The following ENTHD1 variants were observed in gnomAD, a reference collection of about 807,000 sequenced individuals.
ENTHD1 encodes ENTH domain containing 1, also known as ENTH domain-containing protein 1.
In ENTHD1, 23 loss-of-function variants were observed where a neutral mutation model predicts 39.1. The observed-to-expected ratio is 0.59, with a 90% CI of 0.42 to 0.83. The LOEUF (loss-of-function observed/expected upper bound fraction) is 0.83, where lower values mean the gene tolerates loss of function less well. Ranked by LOEUF, ENTHD1 falls within the 40% of genes least tolerant of loss-of-function variation. The pLI is 0.00. For missense variants in ENTHD1, 624 were observed against 705.4 expected, an observed-to-expected ratio of 0.88 and a Z score of 1.31; for synonymous variants, 230 against 258.2, an observed-to-expected ratio of 0.89 and a Z score of 1.05.
At chr22:39,794,541 G>A (rs1283710581) in intron 5 of ENTHD1, among the ~76,000 whole-genome samples, 1 of 152,120 alleles carries the variant, frequency 6.6e-6, no homozygotes, top group Non-Finnish European at 1.5e-5. Context: ...AGTGGCTCAC[G>A]CCTGTAATCC....
At position 39,770,352 on chromosome 22, in the gene ENTHD1, C is replaced by T. The variant is rs374852352; in HGVS notation, c.833-4743G>A. Among the ~76,000 whole-genome samples, 13 of 152,272 alleles carry T rather than the reference C, an allele frequency of 8.5e-5. No homozygotes were observed. The East Asian group carries it at 2.1e-3, about 25-fold the overall frequency. On this transcript the variant is annotated intron_variant, in intron 5 of 6. Transcript: ENST00000325157. The stretch of plus-strand genomic sequence containing the variant: ...GCTCCTGACTGCAACACCCTTGCAA[C>T]GCTTCTCCACTCCATCGGTGGAGAA...
chr22:39,743,879 G>T lies in ENTHD1; in HGVS notation c.1624C>A (p.Pro542Thr). 1 of 1,614,146 alleles carries T rather than the reference G, an allele frequency of 6.2e-7. No homozygotes were observed. Residue 542 changes from proline to threonine, a missense_variant, in exon 7 of 7, where the codon CCT (proline) becomes ACT (threonine). Coordinates refer to ENST00000325157, the MANE Select transcript of ENTHD1 (RefSeq NM_152512.4). Reference protein sequence around the residue: ...FQSTKDFPQEPEAKNSISVLL... With the variant: ...FQSTKDFPQETEAKNSISVLL... ...ACACTAATGGAATTCTTTGCTTCAG[G>T]TTCCTGGGGGAAGTCTTTGGTTGAC...
rs1806709441 is a variant in ENTHD1, at chr22:39,744,300, A to G, written c.1220-17T>C. 2 of 1,556,790 alleles carry G rather than the reference A, an allele frequency of 1.3e-6. No homozygotes were observed. The highest frequency in any genetic ancestry group is 1.2e-5 in the South Asian group (1 of 80,934). ...CAGTTGAAACTAAAATGTGTAAATG[A>G]GAGAAAAAAGATTTATGCAACATAC... On this transcript the variant is annotated splice_polypyrimidine_tract_variant and intron_variant, in intron 6 of 6. Transcript: ENST00000325157.
At chr22:39,783,743 C>A (rs1171154947) in intron 5 of ENTHD1, among the ~76,000 whole-genome samples, 2 of 152,026 alleles carry the variant, frequency 1.3e-5, no homozygotes, top group African/African-American at 2.4e-5. Context: ...TACACAAAAA[C>A]CAAATGAAAA....
At chr22:39,806,253 A>C (rs2065639798) in intron 5 of ENTHD1, among the ~76,000 whole-genome samples, 1 of 152,224 alleles carries the variant, frequency 6.6e-6, no homozygotes, top group Non-Finnish European at 1.5e-5. Flanking sequence ...ACATTATTTA[A>C]AATTCTATGT....
At chr22:39,813,719 G>C (rs918019283) in intron 5 of ENTHD1, among the ~76,000 whole-genome samples, 1 of 152,102 alleles carries the variant, frequency 6.6e-6, no homozygotes, top group Admixed American at 6.5e-5. Flanking sequence ...GCATGGTATG[G>C]TAAGAAAACA....
chr22:39,794,084 T>C (rs565107699), intron 5 of ENTHD1, among the ~76,000 whole-genome samples: 1 of 152,346 alleles, frequency 6.6e-6, no homozygotes, highest in South Asian at 2.1e-4. Context: ...ATTTTTCCAA[T>C]CTATAAGCGT....
chr22:39,857,649 C>T (rs1380819446), intron 3 of ENTHD1, among the ~76,000 whole-genome samples: 1 of 152,030 alleles, frequency 6.6e-6, no homozygotes, highest in East Asian at 1.9e-4. Flanking sequence ...TATACAGGCA[C>T]ACCTTGAAGA....
chr22:39,766,019 C>CAAAAAAAAA (rs11367784), intron 5 of ENTHD1, among the ~76,000 whole-genome samples: 1,758 of 48,490 alleles, frequency 0.036, 11 homozygotes, highest in East Asian at 0.067. Context: ...CCCTCAGCTA[C>CAAAAAAAAA]AAAAAAAAAA....
At chr22:39,837,880 CA>C in intron 3 of ENTHD1, among the ~76,000 whole-genome samples, 1 of 152,326 alleles carries the variant, frequency 6.6e-6, no homozygotes, top group South Asian at 2.1e-4. Flanking sequence ...TGAAGACAAT[CA>C]GGACAACATC....
chr22:39,854,547 G>C (rs1320400566), intron 3 of ENTHD1, among the ~76,000 whole-genome samples: 1 of 152,166 alleles, frequency 6.6e-6, no homozygotes, highest in Non-Finnish European at 1.5e-5. Context: ...CTGATGCTTA[G>C]AGCTGAGTTA....
chr22:39,831,918 T>A (rs1057292021), intron 4 of ENTHD1, among the ~76,000 whole-genome samples: 2 of 152,130 alleles, frequency 1.3e-5, no homozygotes, highest in African/African-American at 4.8e-5. Flanking sequence ...AACATTTAAT[T>A]TACCGGAATA....
intron 2 of ENTHD1, chr22:39,874,219 G>A (rs1706765603): frequency 1.3e-5 from 2 of 152,156 alleles, no homozygotes; most frequent in Admixed American, 6.5e-5. Flanking sequence ...GATGAGATAT[G>A]GGTGGGGACA....
rs1317605634 is a variant in ENTHD1 at position 39,835,952 on chromosome 22, A to G, written c.599T>C (p.Val200Ala). ...KFGRLHNKRN[V>A]CKAGLKQEHC... is the part of the protein sequence containing the mutation. Reference sequence around the variant, plus strand: ...CTCTTGTTTCAATCCTGCCTTGCACACATTTCCTGTCAACAATATAAAGCT... The same window carrying G: ...CTCTTGTTTCAATCCTGCCTTGCACGCATTTCCTGTCAACAATATAAAGCT... Residue 200 changes from valine (V) to alanine (A), a missense_variant, in exon 4 of 7, where the codon GTG becomes GCG. Transcript: ENST00000325157. 4 of 1,600,218 alleles carry G rather than the reference A, an allele frequency of 2.5e-6. No homozygotes were observed. The African/African-American group carries it at 5.4e-5, about 22-fold the overall frequency.
chr22:39,844,724 A>G (rs2065973234), intron 3 of ENTHD1, among the ~76,000 whole-genome samples: 1 of 152,240 alleles, frequency 6.6e-6, no homozygotes, highest in Non-Finnish European at 1.5e-5. Flanking sequence ...CAAAAATCTT[A>G]GAGTTCTCAT....
intron 3 of ENTHD1, among the ~76,000 whole-genome samples, chr22:39,846,279 C>T (rs1381832871): frequency 2.0e-5 from 3 of 152,324 alleles, no homozygotes; most frequent in Admixed American, 6.5e-5. Flanking sequence ...CAGCTCACTG[C>T]AGCCTCTACC....
At chr22:39,858,090 C>T (rs568856911) in intron 3 of ENTHD1, among the ~76,000 whole-genome samples, 1 of 152,328 alleles carries the variant, frequency 6.6e-6, no homozygotes, top group East Asian at 1.9e-4. Context: ...TAGCATTTTA[C>T]CCACAGTAGA....
At chr22:39,884,242 G>T (rs1046472240) in intron 2 of ENTHD1, among the ~76,000 whole-genome samples, 1 of 151,892 alleles carries the variant, frequency 6.6e-6, no homozygotes, top group African/African-American at 2.4e-5. Flanking sequence ...GCAGTGGTGT[G>T]ATCTTGGCTC....
At position 39,813,891 on chromosome 22, in the gene ENTHD1, A is replaced by G. The variant is rs530588969; in HGVS notation, c.832+7102T>C. Among the ~76,000 whole-genome samples the G allele has an allele frequency of 5.9e-5, 9 of 152,324 alleles. 1 individual carries two copies. The South Asian group carries it at 1.7e-3, about 28-fold the overall frequency. ...GATACAAAATCAATATACAAAACTT[A>G]ATTCTATTCATTTTCATCAACAAAC... On this transcript the variant is annotated intron_variant, in intron 5 of 6. Coordinates refer to ENST00000325157, the MANE Select transcript of ENTHD1 (RefSeq NM_152512.4).
Sources: allele counts gnomAD v4.1 joint callset (sites outside exome capture counted in the v4.1 genomes callset), GRCh38; gene constraint gnomAD v4.1.1; transcripts MANE v1.5; gene names NCBI Gene and HGNC (gene_info 2026-07-23, HGNC 2026-07-21).